The following ZEB1 variants were observed in gnomAD, a reference collection of about 807,000 sequenced individuals.
ZEB1 encodes zinc finger E-box-binding homeobox 1.
Under a neutral mutation model 84.9 loss-of-function variants are expected in ZEB1, and 21 were observed. The ratio of observed to expected loss-of-function variants is 0.25; its 90% confidence interval spans 0.18 to 0.36. The LOEUF (loss-of-function observed/expected upper bound fraction) is 0.36, where lower values mean the gene tolerates loss of function less well. Among genes scored for constraint, ZEB1 ranks in the 10% least tolerant of loss-of-function variants. The probability of loss-of-function intolerance (pLI) is 1.00; values close to 1 mark genes in which losing one functional copy is unlikely to be tolerated. For missense variants in ZEB1, 1,104 were observed against 1,330.2 expected (o/e 0.83, Z 2.65); for synonymous variants, 420 against 471.1 (o/e 0.89, Z 1.41).
At chr10:31,462,597 A>G (rs2061942919) in intron 2 of ZEB1, among the ~76,000 whole-genome samples, 1 of 152,190 alleles carries the variant, frequency 6.6e-6, no homozygotes, top group Non-Finnish European at 1.5e-5. Flanking sequence ...GTTTTCAGGC[A>G]AAAGAGGCAA....
chr10:31,438,833 G>A (rs187947710), intron 1 of ZEB1, among the ~76,000 whole-genome samples: 3 of 152,130 alleles, frequency 2.0e-5, no homozygotes, highest in Non-Finnish European at 4.4e-5. Flanking sequence ...GACAGAGTGA[G>A]ACCTCGTGTC....
intron 2 of ZEB1, among the ~76,000 whole-genome samples, chr10:31,482,529 T>C (rs571627800): frequency 1.3e-5 from 2 of 152,034 alleles, no homozygotes; most frequent in South Asian, 4.1e-4. Context: ...ATAAGGTCCC[T>C]AGATAAGTTA....
intron 3 of ZEB1, among the ~76,000 whole-genome samples, chr10:31,498,277 T>C (rs925822005): frequency 6.6e-6 from 1 of 152,104 alleles, no homozygotes; most frequent in Non-Finnish European, 1.5e-5. Context: ...TGTGGGTTCA[T>C]GGATATAGAG....
At chr10:31,349,404 C>G (rs2040903500) in intron 1 of ZEB1, among the ~76,000 whole-genome samples, 1 of 152,156 alleles carries the variant, frequency 6.6e-6, no homozygotes, top group Non-Finnish European at 1.5e-5. Flanking sequence ...ACCTCATCAA[C>G]ACACTGATTT....
chr10:31,364,968 C>A (rs2044181788), intron 1 of ZEB1, among the ~76,000 whole-genome samples: 1 of 152,216 alleles, frequency 6.6e-6, no homozygotes, highest in Non-Finnish European at 1.5e-5. Context: ...AGACGTAGGG[C>A]AGGAACTACC....
At chr10:31,497,696 G>A (rs547761678) in intron 3 of ZEB1, among the ~76,000 whole-genome samples, 1 of 152,224 alleles carries the variant, frequency 6.6e-6, no homozygotes, top group African/African-American at 2.4e-5. Context: ...GCCATCATTA[G>A]TTCAGAATGT....
At chr10:31,338,624 C>T (rs987696195) in intron 1 of ZEB1, among the ~76,000 whole-genome samples, 3 of 152,104 alleles carry the variant, frequency 2.0e-5, no homozygotes, top group Non-Finnish European at 4.4e-5. Flanking sequence ...TTTGTTTGAT[C>T]TGAGAATGTA....
Position 31,526,886 on chromosome 10 carries a change from A to G in ZEB1, c.3000A>G (p.Glu1000=). Residue 1000 remains glutamate, a synonymous_variant, in exon 9 of 9, where the codon GAA becomes GAG. Coordinates refer to ENST00000424869, the MANE Select transcript of ZEB1 (RefSeq NM_001174096.2). The part of the protein sequence containing the change: ...EAEERDSTEQ[E]EAGPEILSNE... ...AAGAACGTGACAGCACAGAGCAGGA[A>G]GAGGCAGGGCCTGAAATCCTCTCGA... is the stretch of plus-strand genomic sequence containing the variant. 2 of 1,614,212 alleles carry G rather than the reference A, an allele frequency of 1.2e-6. No individual in the cohort carries two copies. Among genetic ancestry groups the G allele is most frequent in the South Asian group, 1.1e-5 (1 of 91,092 alleles).
At chr10:31,409,304 T>G (rs2053765218) in intron 1 of ZEB1, among the ~76,000 whole-genome samples, 1 of 152,098 alleles carries the variant, frequency 6.6e-6, no homozygotes, top group Non-Finnish European at 1.5e-5. Flanking sequence ...GGTGGGACTG[T>G]AAACTAGTTC....
At chr10:31,362,796 G>A (rs1564592506) in intron 1 of ZEB1, 1 of 744,496 alleles carries the variant, frequency 1.3e-6, no homozygotes, top group Non-Finnish European at 2.3e-6. Flanking sequence ...CCAAAGTGCT[G>A]GATTACAGGC....
intron 1 of ZEB1, chr10:31,387,153 A>C (rs2048778385): frequency 1.0e-6 from 1 of 985,728 alleles, no homozygotes; most frequent in African/African-American, 1.7e-5. Flanking sequence ...CACAAGAGGA[A>C]TATAAAGAGG....
intron 2 of ZEB1, among the ~76,000 whole-genome samples, chr10:31,472,262 T>C (rs555044117): frequency 4.6e-5 from 7 of 152,054 alleles, no homozygotes; most frequent in Non-Finnish European, 7.3e-5. Flanking sequence ...AAAAAATTAA[T>C]TAATCCCAGA....
At chr10:31,363,196 T>C in intron 1 of ZEB1, 1 of 1,533,958 alleles carries the variant, frequency 6.5e-7, no homozygotes, top group Non-Finnish European at 8.7e-7. Context: ...GCTGGGCAGG[T>C]GGTCTTCACC....
At chr10:31,480,264 A>G (rs1221911392) in intron 2 of ZEB1, among the ~76,000 whole-genome samples, 3 of 152,182 alleles carry the variant, frequency 2.0e-5, no homozygotes, top group East Asian at 3.9e-4. Context: ...TATGTTAAAA[A>G]TGTTTAAAAC....
At chr10:31,342,516 G>A (rs2039576740) in intron 1 of ZEB1, among the ~76,000 whole-genome samples, 1 of 152,260 alleles carries the variant, frequency 6.6e-6, no homozygotes, top group Middle Eastern at 3.4e-3. Context: ...TAGCAGTGGA[G>A]TAAAGGATGT....
chr10:31,330,264 C>A (rs2036467510), intron 1 of ZEB1, among the ~76,000 whole-genome samples: 1 of 152,030 alleles, frequency 6.6e-6, no homozygotes, highest in Non-Finnish European at 1.5e-5. Context: ...TTCTCAGGGC[C>A]CAACTAATAC....
At position 31,521,148 on chromosome 10, in the gene ZEB1, C is replaced by T; in HGVS notation, c.1816C>T (p.Gln606Ter). The change falls in exon 7 of 9, where the codon CAA becomes TAA. Residue 606 changes from glutamine to a stop codon, truncating the protein, a stop_gained. Transcript: ENST00000424869. LOFTEE classifies it high-confidence loss of function. ...LLKAYYALNA[Q>*]PSAEELSKIA... ...AAAAGCATATTATGCTTTGAATGCA[C>T]AACCAAGTGCAGAAGAGCTCTCAAA... 1 of 1,614,052 alleles carries T rather than the reference C, an allele frequency of 6.2e-7. No homozygotes were observed. Among genetic ancestry groups the T allele is most frequent in the Non-Finnish European group, 8.5e-7 (1 of 1,179,994 alleles).
chr10:31,331,287 CG>C (rs1213317310), intron 1 of ZEB1, among the ~76,000 whole-genome samples: 1 of 151,648 alleles, frequency 6.6e-6, no homozygotes, highest in Non-Finnish European at 1.5e-5. Flanking sequence ...GGGGTTTCAC[CG>C]TGTTAGCCAG....
chr10:31,449,776 C>T (rs1407187185), intron 1 of ZEB1, among the ~76,000 whole-genome samples: 1 of 151,958 alleles, frequency 6.6e-6, no homozygotes, highest in Non-Finnish European at 1.5e-5. Context: ...CTGAATTTTC[C>T]TGAGTATTTT....
Sources: allele counts gnomAD v4.1 joint callset (sites outside exome capture counted in the v4.1 genomes callset), GRCh38; gene constraint gnomAD v4.1.1; transcripts MANE v1.5; gene names NCBI Gene and HGNC (gene_info 2026-07-23, HGNC 2026-07-21).